Variants in CDC123 observed in about 807,000 individuals in gnomAD.
The protein encoded by CDC123 is cell division cycle 123.
A neutral mutation model predicts 54.4 loss-of-function variants in CDC123; 37 were observed. That is an observed-to-expected ratio of 0.68 (90% CI 0.52 to 0.89). The LOEUF (loss-of-function observed/expected upper bound fraction) is 0.89. Ranked by LOEUF, CDC123 falls within the 40% of genes least tolerant of loss-of-function variation. The probability of loss-of-function intolerance (pLI) is 0.00; values close to 1 mark genes in which losing one functional copy is unlikely to be tolerated. For synonymous variants in CDC123, 144 were observed against 136.8 expected (o/e 1.05, Z -0.37); for missense variants, 361 against 412.1 (o/e 0.88, Z 1.07).
intron 4 of CDC123, among the ~76,000 whole-genome samples, chr10:12,213,235 A>G (rs1430529726): frequency 1.3e-5 from 2 of 152,226 alleles, no homozygotes; most frequent in Non-Finnish European, 2.9e-5. Flanking sequence ...TTACAATGCA[A>G]AGACCTGGCA....
chr10:12,196,800 T>TGTTA (rs1170531395), intron 1 of CDC123, among the ~76,000 whole-genome samples: 2 of 152,208 alleles, frequency 1.3e-5, no homozygotes, highest in African/African-American at 4.8e-5. Context: ...GGAGAGTGGA[T>TGTTA]GTTAGTGTTC....
intron 8 of CDC123, among the ~76,000 whole-genome samples, chr10:12,235,597 A>G (rs1835968628): frequency 6.6e-6 from 1 of 152,198 alleles, no homozygotes; most frequent in Non-Finnish European, 1.5e-5. Flanking sequence ...CTCTCAGGTT[A>G]CTGTTCTGTT....
chr10:12,244,616 G>A (rs1204114612), intron 10 of CDC123: 1 of 150,338 alleles, frequency 6.7e-6, no homozygotes, highest in Non-Finnish European at 1.5e-5. Context: ...ATTTCTTTCA[G>A]AGGTTGGGGT....
chr10:12,249,700 A>G lies in CDC123; in HGVS notation c.966A>G (p.Leu322=), dbSNP rs763841454. ...DLSTGEDAHK[L]IDFLKLKRNQ... ...CTACTGGGGAGGACGCTCACAAGCT[A>G]ATAGACTTCCTTAAGCTGGTAAAGT... The change falls in exon 12 of 13, where the codon CTA becomes CTG. Residue 322 remains leucine, a synonymous_variant. Coordinates refer to ENST00000281141, the MANE Select transcript of CDC123 (RefSeq NM_006023.3). The G allele has an allele frequency of 3.1e-6, 5 of 1,611,846 alleles. No homozygotes were observed. The highest frequency in any genetic ancestry group is 1.3e-5 in the African/African-American group (1 of 74,890).
intron 6 of CDC123, among the ~76,000 whole-genome samples, chr10:12,219,616 C>T (rs1264571446): frequency 1.3e-5 from 2 of 151,736 alleles, no homozygotes; most frequent in African/African-American, 4.8e-5. Context: ...AGCTTTTTGA[C>T]ATCTAATGCT....
chr10:12,229,607 A>C (rs1031318522), intron 6 of CDC123, among the ~76,000 whole-genome samples: 1 of 152,214 alleles, frequency 6.6e-6, no homozygotes, highest in African/African-American at 2.4e-5. Context: ...GGTGCTGCAG[A>C]GTATTTTTTC....
chr10:12,206,681 A>T (rs1835523064), intron 2 of CDC123, among the ~76,000 whole-genome samples: 1 of 152,174 alleles, frequency 6.6e-6, no homozygotes. Flanking sequence ...GCATGAGGTC[A>T]GATGCGGTGG....
At chr10:12,233,593 T>A (rs138205540) in intron 7 of CDC123, among the ~76,000 whole-genome samples, 3 of 152,244 alleles carry the variant, frequency 2.0e-5, no homozygotes, top group African/African-American at 7.2e-5. Flanking sequence ...GTAGCCTATA[T>A]ATATATATAA....
intron 3 of CDC123, 120 bp from the exon 4 acceptor site, chr10:12,210,170 G>A (rs1835578415): frequency 4.9e-6 from 7 of 1,439,458 alleles, no homozygotes; most frequent in African/African-American, 1.4e-5. Context: ...TTTCACATAT[G>A]CTGTATTCCG....
At chr10:12,234,479 A>C (rs958468817) in intron 7 of CDC123, among the ~76,000 whole-genome samples, 18 of 152,228 alleles carry the variant, frequency 1.2e-4, no homozygotes, top group Admixed American at 1.2e-3. Flanking sequence ...TCAGTCTCCG[A>C]AAGTGCTGGG....
At chr10:12,210,361 A>G (rs1229813178) in intron 4 of CDC123, 39 bp downstream of exon 4, 35 of 1,612,644 alleles carry the variant, frequency 2.2e-5, no homozygotes, top group Non-Finnish European at 2.8e-5. Flanking sequence ...ACAGCCTCAC[A>G]CTGTCACACA....
intron 2 of CDC123, among the ~76,000 whole-genome samples, chr10:12,202,132 G>T (rs911761519): frequency 1.3e-5 from 2 of 152,124 alleles, no homozygotes; most frequent in Non-Finnish European, 1.5e-5. Context: ...TAATTTAAAT[G>T]AGGTACATTT....
chr10:12,245,016 AAAAC>A (rs759952234), intron 10 of CDC123: 13 of 152,416 alleles, frequency 8.5e-5, no homozygotes, highest in African/African-American at 3.1e-4. Flanking sequence ...CAAAAAACAA[AAAAC>A]AAACAAAAAC....
intron 8 of CDC123, 56 bp downstream of exon 8, chr10:12,235,179 C>A: frequency 6.9e-7 from 1 of 1,455,252 alleles, no homozygotes. Context: ...TAAAAGAAAA[C>A]AAGCTTTTGT....
Position 12,230,955 on chromosome 10 carries a change from C to G in CDC123, c.448C>G (p.His150Asp), listed in dbSNP as rs866260755. Residue 150 changes from histidine to aspartate, a missense_variant, in exon 7 of 13, where the codon CAT becomes GAT. His to Asp is a moderately conservative substitution (Grantham distance 81). Transcript: ENST00000281141. ...ITRDFTQPFI[H>D]CTDDSPDPCI... ...TTTCTTCTTCTTCCAAAGGTTTATT[C>G]ATTGTACTGATGATTCTCCAGATCC... 17 of 1,611,678 alleles carry G rather than the reference C, an allele frequency of 1.1e-5. 2 individuals are homozygous for G. In the Middle Eastern group the frequency reaches 2.6e-3, roughly 251 times the overall value.
chr10:12,238,457 T>C lies in CDC123; in HGVS notation c.689T>C (p.Phe230Ser). 6.2e-7 allele frequency: 1 copy of C among 1,605,752 alleles called. No individual in the cohort carries two copies. ...HIQYKFLDED[F>S]VFDIYRDSRG... ...AACTGACTTTTTTTCTCCTTTACAG[T>C]TGTGTTCGATATATACAGAGACAGT... Residue 230 changes from phenylalanine to serine, a missense_variant and splice_region_variant, in exon 10 of 13, where the codon TTT becomes TCT. By Grantham distance (155) the Phe-to-Ser change is radical (BLOSUM62 -2). Coordinates refer to ENST00000281141, the MANE Select transcript of CDC123 (RefSeq NM_006023.3).
intron 1 of CDC123, among the ~76,000 whole-genome samples, chr10:12,198,468 T>G (rs1835394655): frequency 1.3e-5 from 2 of 152,214 alleles, no homozygotes; most frequent in Admixed American, 6.5e-5. Flanking sequence ...GATTTCCATC[T>G]GGTGGTTTGG....
At chr10:12,220,280 CTCT>C (rs1481034725) in intron 6 of CDC123, among the ~76,000 whole-genome samples, 5 of 152,156 alleles carry the variant, frequency 3.3e-5, no homozygotes, top group African/African-American at 1.2e-4. Context: ...CAGCTGCCTC[CTCT>C]TAAGCTACGT....
At chr10:12,230,552 G>A (rs79886136) in intron 6 of CDC123, among the ~76,000 whole-genome samples, 7,349 of 152,276 alleles carry the variant, frequency 0.048, 509 homozygotes, top group African/African-American at 0.16. Context: ...ATCATGTAAA[G>A]TGGGGTATCT....
Sources: gnomAD v4.1 joint callset for allele counts (sites outside exome capture counted in the v4.1 genomes callset) on GRCh38, gnomAD v4.1.1 for gene constraint, MANE v1.5 for transcripts, NCBI Gene and HGNC (gene_info 2026-07-23, HGNC 2026-07-21) for gene names.